Variants in EXOC6B observed in about 807,000 individuals in gnomAD.
EXOC6B encodes exocyst complex component 6B, also known as SEC15 homolog B.
EXOC6B carries 54 observed loss-of-function variants against 113.5 expected under a neutral mutation model. That is an observed-to-expected ratio of 0.48 (90% confidence interval 0.38 to 0.60). The LOEUF is 0.60. EXOC6B is among the 20% of genes least tolerant of loss of function. The probability of loss-of-function intolerance (pLI) is 0.00; values close to 1 mark genes in which losing one functional copy is unlikely to be tolerated. For missense variants in EXOC6B, 797 were observed against 977.5 expected, an observed-to-expected ratio of 0.82 and a Z score of 2.46; for synonymous variants, 357 against 339.0, an observed-to-expected ratio of 1.05 and a Z score of -0.58.
intron 18 of EXOC6B, among the ~76,000 whole-genome samples, chr2:72,438,477 C>T (rs1046466558): frequency 1.3e-5 from 2 of 152,132 alleles, no homozygotes. Flanking sequence ...ACTGTCGTGG[C>T]ATGTGCCTGT....
chr2:72,456,071 G>C (rs907875877), intron 18 of EXOC6B, among the ~76,000 whole-genome samples: 5 of 152,112 alleles, frequency 3.3e-5, no homozygotes, highest in Non-Finnish European at 5.9e-5. Flanking sequence ...AATAGTGACT[G>C]TCCGTATATC....
In EXOC6B at chr2:72,639,916, A is replaced by C. The variant is rs145585305; in HGVS notation, c.670-64248T>G. 3.4e-3 allele frequency among the ~76,000 whole-genome samples: 513 copies of C among 152,368 alleles called. 2 individuals carry two copies. Among genetic ancestry groups the C allele is most frequent in the South Asian group, 7.9e-3 (38 of 4,830 alleles). On this transcript the variant is annotated intron_variant, in intron 6 of 21. Coordinates refer to ENST00000272427, the MANE Select transcript of EXOC6B (RefSeq NM_015189.3). ...GGAAGATAAGCCAACAAGGATGAGA[A>C]AGAATCAGCACAAGAGGCCTGACAA... is the stretch of plus-strand genomic sequence containing the variant.
intron 8 of EXOC6B, among the ~76,000 whole-genome samples, chr2:72,544,670 T>C (rs1173397724): frequency 1.3e-5 from 2 of 151,884 alleles, no homozygotes; most frequent in East Asian, 3.9e-4. Context: ...AAAGAGAGGG[T>C]GCCCTCTTTT....
intron 7 of EXOC6B, among the ~76,000 whole-genome samples, chr2:72,564,151 T>C (rs554833332): frequency 2.6e-5 from 4 of 152,144 alleles, no homozygotes; most frequent in Non-Finnish European, 5.9e-5. Context: ...AGGAGCGATA[T>C]ACTATGACAG....
chr2:72,721,362 T>C (rs1679989570), intron 5 of EXOC6B, among the ~76,000 whole-genome samples: 1 of 106,424 alleles, frequency 9.4e-6, no homozygotes, highest in Non-Finnish European at 1.7e-5. Context: ...GAGTTGTTTT[T>C]GTAAAAAAAA....
Position 72,179,290 on chromosome 2 carries a change from C to T in EXOC6B, c.*45G>A. On this transcript the variant is annotated 3_prime_UTR_variant, in exon 22 of 22. Coordinates refer to ENST00000272427, the MANE Select transcript of EXOC6B (RefSeq NM_015189.3). ...CAGCTGGGGCTGGACCCCAGACTGA[C>T]ACAGAGGCTGCAGCAGGTCGCCTCT... 1 of 1,534,010 alleles carries T rather than the reference C, an allele frequency of 6.5e-7. No homozygotes were observed. The highest frequency in any genetic ancestry group is 8.8e-7 in the Non-Finnish European group (1 of 1,140,528).
intron 7 of EXOC6B, among the ~76,000 whole-genome samples, chr2:72,568,650 T>C (rs867552328): frequency 1.3e-4 from 19 of 151,976 alleles, no homozygotes; most frequent in African/African-American, 3.9e-4. Flanking sequence ...ATGGATACCA[T>C]ATGTGTAACT....
intron 20 of EXOC6B, among the ~76,000 whole-genome samples, chr2:72,286,140 C>T (rs544657689): frequency 5.8e-4 from 89 of 152,250 alleles, no homozygotes; most frequent in Non-Finnish European, 1.0e-3. Flanking sequence ...ATTATACTCC[C>T]TGATATTTTC....
intron 18 of EXOC6B, among the ~76,000 whole-genome samples, chr2:72,415,972 G>A (rs1278623256): frequency 6.6e-6 from 1 of 152,178 alleles, no homozygotes; most frequent in African/African-American, 2.4e-5. Context: ...AGGTTATGCT[G>A]CAGTAACAAA....
intron 16 of EXOC6B, among the ~76,000 whole-genome samples, chr2:72,488,547 C>G (rs1297349392): frequency 6.6e-6 from 1 of 152,164 alleles, no homozygotes. Context: ...TCTCTCACAG[C>G]AAATTTAGCT....
intron 6 of EXOC6B, among the ~76,000 whole-genome samples, chr2:72,680,720 CAG>C (rs1226347180): frequency 1.3e-5 from 2 of 150,202 alleles, no homozygotes; most frequent in African/African-American, 2.5e-5. Flanking sequence ...GCGTGGGTGA[CAG>C]AGCAAGACTC....
At chr2:72,199,190 C>T (rs966621058) in intron 20 of EXOC6B, among the ~76,000 whole-genome samples, 12 of 152,018 alleles carry the variant, frequency 7.9e-5, no homozygotes, top group African/African-American at 1.7e-4. Flanking sequence ...CCACACACCA[C>T]GGAAGATTGG....
intron 6 of EXOC6B, among the ~76,000 whole-genome samples, chr2:72,610,529 T>C (rs1671014388): frequency 6.6e-6 from 1 of 152,152 alleles, no homozygotes; most frequent in Non-Finnish European, 1.5e-5. Context: ...TTAAGGGACA[T>C]AGAAGGTAGC....
chr2:72,301,257 C>T (rs1218653817), intron 20 of EXOC6B, among the ~76,000 whole-genome samples: 1 of 152,122 alleles, frequency 6.6e-6, no homozygotes, highest in African/African-American at 2.4e-5. Context: ...AAGTATTTTG[C>T]TGAGGATTTT....
chr2:72,706,776 T>C (rs1020394559), intron 6 of EXOC6B, among the ~76,000 whole-genome samples: 12 of 152,186 alleles, frequency 7.9e-5, no homozygotes, highest in African/African-American at 2.7e-4. Context: ...ACTCATCCTA[T>C]CAAGAGATAG....
chr2:72,613,173 C>A (rs570023859), intron 6 of EXOC6B, among the ~76,000 whole-genome samples: 1 of 152,178 alleles, frequency 6.6e-6, no homozygotes, highest in African/African-American at 2.4e-5. Flanking sequence ...ATTAAGCAGG[C>A]ATTTGCTGGG....
chr2:72,587,423 G>T (rs1705661415), intron 6 of EXOC6B, among the ~76,000 whole-genome samples: 2 of 152,112 alleles, frequency 1.3e-5, no homozygotes, highest in South Asian at 4.1e-4. Context: ...TAATAAAGGG[G>T]GAGAGAAAGG....
intron 13 of EXOC6B, among the ~76,000 whole-genome samples, chr2:72,497,770 T>C (rs571947410): frequency 6.1e-4 from 93 of 152,230 alleles, no homozygotes; most frequent in African/African-American, 2.1e-3. Flanking sequence ...GGTCTTGCAA[T>C]AGGCAGCATA....
chr2:72,664,342 T>C (rs865937357), intron 6 of EXOC6B, among the ~76,000 whole-genome samples: 19 of 151,918 alleles, frequency 1.3e-4, no homozygotes, highest in African/African-American at 3.9e-4. Context: ...GAAGCTAGGA[T>C]CCCAGCACGG....
Sources: gnomAD v4.1 joint callset for allele counts (sites outside exome capture counted in the v4.1 genomes callset) on GRCh38, gnomAD v4.1.1 for gene constraint, MANE v1.5 for transcripts, NCBI Gene and HGNC (gene_info 2026-07-23, HGNC 2026-07-21) for gene names.